NFRKB: variants seen among roughly 807,000 people sequenced by gnomAD.
The protein encoded by NFRKB is nuclear factor related to kappa-B-binding protein.
Under a neutral mutation model 135.7 loss-of-function variants are expected in NFRKB, and 62 were observed. The observed-to-expected ratio is 0.46, with a 90% CI of 0.37 to 0.56. NFRKB has a LOEUF of 0.56. Among genes scored for constraint, NFRKB ranks in the 20% least tolerant of loss-of-function variants. The pLI, the probability that NFRKB is intolerant of heterozygous loss-of-function variation, is 0.00. For missense variants in NFRKB, 1,545 were observed against 1,662.0 expected, an observed-to-expected ratio of 0.93 and a Z score of 1.22; for synonymous variants, 678 against 635.6, an observed-to-expected ratio of 1.07 and a Z score of -1.00.
At position 129,876,819 on chromosome 11, in the gene NFRKB, A is replaced by G; in HGVS notation, c.1649T>C (p.Val550Ala). The G allele has an allele frequency of 6.2e-7, 1 of 1,614,116 alleles. No individual in the cohort carries two copies. The highest frequency in any genetic ancestry group is 8.5e-7 in the Non-Finnish European group (1 of 1,180,002). Residue 550 changes from valine (V) to alanine (A), a missense_variant, in exon 17 of 27, where the codon GTG becomes GCG. Around this residue, in one of 3 missense-constraint regions of NFRKB, gnomAD observed 114 missense variants for 211.0 expected, o/e 0.54. Transcript: ENST00000682444. Reference protein sequence around the residue: ...MHGFESVVGPVKGVFDKETSL... With the variant: ...MHGFESVVGPAKGVFDKETSL... ...GGTCTCCTTGTCAAACACGCCCTTC[A>G]CTGGCCCCACCACAGACTCAAAGCC...
At chr11:129,878,157 G>T (rs759584771) in intron 15 of NFRKB, 152 bp downstream of exon 15, 3 of 737,560 alleles carry the variant, frequency 4.1e-6, no homozygotes, top group African/African-American at 1.8e-5. Flanking sequence ...GTTCACTCAG[G>T]GGGTGCGGCC....
At chr11:129,883,030 G>T in intron 9 of NFRKB, 92 bp downstream of exon 9, 1 of 1,130,642 alleles carries the variant, frequency 8.8e-7, no homozygotes, top group Non-Finnish European at 1.3e-6. Flanking sequence ...CATGAGAGAG[G>T]CCATGGTTTC....
rs143833537 is a variant in NFRKB, at chr11:129,891,345, T to C, written c.135+1370A>G. Among the ~76,000 whole-genome samples the C allele has an allele frequency of 6.7e-3, 1,013 of 152,284 alleles. 11 individuals are homozygous for C. Among genetic ancestry groups the C allele is most frequent in the African/African-American group, 0.023 (963 of 41,556 alleles). ...ACTAAGAATGACAGTCTATTTCCTA[T>C]GGTTTATTAACTTTGGGCCCTGCAG... On this transcript the variant is annotated intron_variant, in intron 3 of 26. Coordinates refer to ENST00000682444, the MANE Select transcript of NFRKB (RefSeq NM_001143835.2).
rs758306746 is a variant in NFRKB, at chr11:129,875,473, T to C, written c.1748-10A>G. ...GCCGCAGCGTCCCGAACTGATGACATGAGAAAGCACACAGTCCACAAGTCA... is the reference window on the plus strand; with the variant it reads ...GCCGCAGCGTCCCGAACTGATGACACGAGAAAGCACACAGTCCACAAGTCA... On this transcript the variant is annotated splice_polypyrimidine_tract_variant and intron_variant, in intron 17 of 26. Coordinates refer to ENST00000682444, the MANE Select transcript of NFRKB (RefSeq NM_001143835.2). The C allele has an allele frequency of 6.3e-7, 1 of 1,585,450 alleles. No individual in the cohort carries two copies.
intron 2 of NFRKB, among the ~76,000 whole-genome samples, chr11:129,893,609 T>C (rs1029641781): frequency 2.0e-5 from 3 of 151,942 alleles, no homozygotes; most frequent in African/African-American, 7.3e-5. Context: ...TGTTGTTCTT[T>C]CACAAAAGAA....
At position 129,876,853 on chromosome 11, in the gene NFRKB, G is replaced by A. The variant is rs191024531; in HGVS notation, c.1615C>T (p.Arg539Cys). The change falls in exon 17 of 27, where the codon CGC (arginine) becomes TGC (cysteine). Residue 539 changes from arginine (R) to cysteine (C), a missense_variant. Transcript: ENST00000682444. ...YSQPHKAFTFRMHGFESVVGP... is the reference protein window; with the variant it reads ...YSQPHKAFTFCMHGFESVVGP... The stretch of plus-strand genomic sequence containing the variant: ...ACCACAGACTCAAAGCCGTGCATGC[G>A]AAAGGTGAACGCCTTATGGGGTTGG... The A allele has an allele frequency of 1.5e-5, 25 of 1,614,138 alleles. No homozygotes were observed. The highest frequency in any genetic ancestry group is 6.7e-5 in the African/African-American group (5 of 75,012).
intron 3 of NFRKB, among the ~76,000 whole-genome samples, chr11:129,889,873 C>T (rs749475373): frequency 4.0e-5 from 6 of 151,032 alleles, no homozygotes; most frequent in Admixed American, 6.6e-5. Context: ...AGACAGGGTA[C>T]GTGGTGGTGG....
chr11:129,886,376 G>A lies in NFRKB; in HGVS notation c.406C>T (p.Leu136Phe), dbSNP rs765060159. The change falls in exon 5 of 27, where the codon CTC becomes TTC. Residue 136 changes from leucine to phenylalanine, a missense_variant. Transcript: ENST00000682444. ...TGGAAATACTGCTGCTGGGAGTTGA[G>A]GTAGCGCTTGTACTGTGACTTGAAG... Reference protein sequence around the residue: ...LCFKSQYKRYLNSQQQYFHRL... With the variant: ...LCFKSQYKRYFNSQQQYFHRL... The A allele has an allele frequency of 1.2e-6, 2 of 1,614,002 alleles. No homozygotes were observed. Among genetic ancestry groups the A allele is most frequent in the East Asian group, 2.2e-5 (1 of 44,900 alleles).
In NFRKB at chr11:129,874,219, G is replaced by A. The variant is rs866274115; in HGVS notation, c.2173C>T (p.Pro725Ser). ...MPPTPVTPVT[P>S]TTPALPAIPI... Reference sequence around the variant, plus strand: ...ATGGCGGGCAATGCTGGTGTGGTGGGGGTTACAGGTGTGACTGGGGTGGGT... The same window carrying A: ...ATGGCGGGCAATGCTGGTGTGGTGGAGGTTACAGGTGTGACTGGGGTGGGT... Residue 725 changes from proline to serine, a missense_variant, in exon 21 of 27, where the codon CCC (proline) becomes TCC (serine). Physicochemically the swap from Pro to Ser is moderately conservative, Grantham distance 74 (BLOSUM62 -1). Around this residue, in one of 3 missense-constraint regions of NFRKB, gnomAD observed 753 missense variants for 804.3 expected, o/e 0.94. Coordinates refer to ENST00000682444, the MANE Select transcript of NFRKB (RefSeq NM_001143835.2). The surrounding 1 kb of genome is among the most constrained non-coding windows in gnomAD (Gnocchi z 4.5). The A allele has an allele frequency of 6.6e-7, 1 of 1,520,092 alleles. No individual in the cohort carries two copies. The highest frequency in any genetic ancestry group is 1.4e-5 in the African/African-American group (1 of 71,676). The allele number at this position is 1,520,092 out of a possible 1,614,324, so 94.2% of individuals were successfully genotyped here. A position where few individuals can be genotyped will look rare whatever the true frequency, so the allele number is the denominator to read the frequency against.
chr11:129,889,272 T>A (rs966462383), intron 3 of NFRKB, among the ~76,000 whole-genome samples: 3 of 152,094 alleles, frequency 2.0e-5, no homozygotes, highest in Non-Finnish European at 4.4e-5. Flanking sequence ...TAAGATTTTT[T>A]AAAATAAACT....
intron 10 of NFRKB, 127 bp downstream of exon 10, chr11:129,882,324 G>A (rs1949068036): frequency 1.5e-6 from 2 of 1,337,818 alleles, no homozygotes; most frequent in South Asian, 1.4e-5. Context: ...TTTCCCAGCA[G>A]TATCCCTGGG....
At chr11:129,868,546 C>A (rs111885834) in intron 24 of NFRKB, among the ~76,000 whole-genome samples, 1 of 152,180 alleles carries the variant, frequency 6.6e-6, no homozygotes, top group Non-Finnish European at 1.5e-5. Flanking sequence ...GTGCGCACCC[C>A]CAAGGCTCGC....
chr11:129,886,966 A>G (rs1949309024), intron 4 of NFRKB, among the ~76,000 whole-genome samples: 1 of 152,196 alleles, frequency 6.6e-6, no homozygotes, highest in Non-Finnish European at 1.5e-5. Context: ...AACCCACCAA[A>G]GAAGGGAATG....
Position 129,864,759 on chromosome 11 carries a change from G to A in NFRKB, c.3866C>T (p.Ala1289Val). 2 of 1,614,204 alleles carry A rather than the reference G, an allele frequency of 1.2e-6. No homozygotes were observed. The highest frequency in any genetic ancestry group is 1.7e-6 in the Non-Finnish European group (2 of 1,180,038). The change falls in exon 27 of 27, where the codon GCT becomes GTT. Residue 1289 changes from alanine to valine, a missense_variant. By Grantham distance (64) the Ala-to-Val change is moderately conservative (BLOSUM62 0). This residue lies in a region of NFRKB where 753 missense variants were observed against 804.3 expected (regional missense o/e 0.94). Transcript: ENST00000682444. ...KAVSTVVVTT[A>V]PSPKQAPEQQ ...CTCAGGTGCCTGTTTAGGAGACGGA[G>A]CTGTAGTCACAACAACAGTGGAGAC...
Position 129,874,665 on chromosome 11 carries a change from C to T in NFRKB, c.1979-85G>A. On this transcript the variant is annotated intron_variant, in intron 19 of 26. Coordinates refer to ENST00000682444, the MANE Select transcript of NFRKB (RefSeq NM_001143835.2). This position sits in a 1 kb window ranked among gnomAD's most constrained non-coding sequence, Gnocchi z 4.5. Reference sequence around the variant, plus strand: ...GCTTTGTTAAAAACCAACACCTTGCCAGTGGACTGAATCCTGCCTCTACCA... The same window carrying T: ...GCTTTGTTAAAAACCAACACCTTGCTAGTGGACTGAATCCTGCCTCTACCA... 1 of 1,602,168 alleles carries T rather than the reference C, an allele frequency of 6.2e-7. No homozygotes were observed. Among genetic ancestry groups the T allele is most frequent in the Non-Finnish European group, 8.5e-7 (1 of 1,172,200 alleles).
rs149417684 is a variant in NFRKB at position 129,876,350 on chromosome 11, A to G, written c.1747+371T>C. Reference sequence around the variant, plus strand: ...CTGTATTTTATTTCATACATTTAAAAGCATAACTCTGAGAAGGGGTCCACA... The same window carrying G: ...CTGTATTTTATTTCATACATTTAAAGGCATAACTCTGAGAAGGGGTCCACA... On this transcript the variant is annotated intron_variant, in intron 17 of 26. Coordinates refer to ENST00000682444, the MANE Select transcript of NFRKB (RefSeq NM_001143835.2). Among the ~76,000 whole-genome samples, 14 of 152,346 alleles carry G rather than the reference A, an allele frequency of 9.2e-5. No individual in the cohort carries two copies. The East Asian group carries it at 1.7e-3, about 19-fold the overall frequency.
intron 24 of NFRKB, among the ~76,000 whole-genome samples, chr11:129,866,306 A>G (rs1332754990): frequency 6.6e-6 from 1 of 152,154 alleles, no homozygotes; most frequent in African/African-American, 2.4e-5. Flanking sequence ...GCACAGTCCA[A>G]GATTCTGAGT....
chr11:129,889,951 C>CGCGTGTGTGTGTGTGTGT (rs1555094210), intron 3 of NFRKB, among the ~76,000 whole-genome samples: 5 of 135,286 alleles, frequency 3.7e-5, no homozygotes, highest in African/African-American at 1.4e-4. Flanking sequence ...TATTGTCTTA[C>CGCGTGTGTGTGTGTGTGT]GTGTGTGTGT....
rs779171973 is a variant in NFRKB at position 129,892,938 on chromosome 11, C to T, written c.-21-68G>A. ...CAGGGATCTAGTTGATGCTAACACT[C>T]CTCCAGGAAAACATTCAACCTCCAG... On this transcript the variant is annotated intron_variant, in intron 2 of 26. Transcript: ENST00000682444. The T allele has an allele frequency of 1.9e-6, 3 of 1,604,868 alleles. No individual in the cohort carries two copies. In the South Asian group the frequency reaches 3.3e-5, roughly 18 times the overall value.
Sources: gnomAD v4.1 joint callset for allele counts (sites outside exome capture counted in the v4.1 genomes callset) on GRCh38, gnomAD v4.1.1 for gene constraint, gnomAD v4.1.1 regional missense constraint, Gnocchi (gnomAD v3.1) non-coding constraint, MANE v1.5 for transcripts, NCBI Gene and HGNC (gene_info 2026-07-23, HGNC 2026-07-21) for gene names.